Variants in STK4 observed in about 807,000 individuals in gnomAD.
STK4 encodes serine/threonine-protein kinase 4.
STK4 carries 30 observed loss-of-function variants against 64.9 expected under a neutral mutation model. The observed-to-expected ratio is 0.46, with a 90% CI of 0.35 to 0.63. The LOEUF (loss-of-function observed/expected upper bound fraction) is 0.63, where lower values mean the gene tolerates loss of function less well. Ranked by LOEUF, STK4 falls within the 20% of genes least tolerant of loss-of-function variation. The probability of loss-of-function intolerance (pLI) is 0.01; values close to 1 mark genes in which losing one functional copy is unlikely to be tolerated. For synonymous variants in STK4, 177 were observed against 199.0 expected, an observed-to-expected ratio of 0.89 and a Z score of 0.93; for missense variants, 466 against 598.5, an observed-to-expected ratio of 0.78 and a Z score of 2.31.
chr20:44,997,626 G>A (rs2067758744), intron 7 of STK4, among the ~76,000 whole-genome samples: 1 of 152,330 alleles, frequency 6.6e-6, no homozygotes, highest in African/African-American at 2.4e-5. Flanking sequence ...GATCCCAGGA[G>A]GTTGAGGCCG....
At chr20:45,058,085 ACACC>A (rs1305312456) in intron 10 of STK4, among the ~76,000 whole-genome samples, 1 of 139,476 alleles carries the variant, frequency 7.2e-6, no homozygotes, top group Non-Finnish European at 1.6e-5. Flanking sequence ...ACACACACAC[ACACC>A]CCTACCCCTA....
chr20:45,066,181 T>TACACACACAC (rs11472596), intron 10 of STK4, among the ~76,000 whole-genome samples: 2,804 of 147,586 alleles, frequency 0.019, 83 homozygotes, highest in African/African-American at 0.058. Flanking sequence ...ATTATATATC[T>TACACACACAC]ACACACACAC....
chr20:45,004,978 G>T (rs1040433096), intron 9 of STK4, among the ~76,000 whole-genome samples: 26 of 151,430 alleles, frequency 1.7e-4, no homozygotes, highest in African/African-American at 6.1e-4. Flanking sequence ...TCACTATGTT[G>T]GTCAGGCTGG....
chr20:45,074,194 T>C (rs1980319335), intron 10 of STK4, among the ~76,000 whole-genome samples: 1 of 152,172 alleles, frequency 6.6e-6, no homozygotes, highest in Non-Finnish European at 1.5e-5. Context: ...TGTTCATCTG[T>C]AACATAGGGA....
chr20:45,012,754 T>G (rs1239260767), intron 9 of STK4, among the ~76,000 whole-genome samples: 3 of 151,262 alleles, frequency 2.0e-5, no homozygotes, highest in African/African-American at 7.3e-5. Flanking sequence ...ATGATTATAG[T>G]TTTTCCTTTT....
chr20:44,991,864 A>G lies in STK4; in HGVS notation c.526-3226A>G, dbSNP rs58590109. Among the ~76,000 whole-genome samples the G allele has an allele frequency of 2.0e-3, 305 of 152,218 alleles. 12 individuals are homozygous for G. The East Asian group carries it at 0.055, about 28-fold the overall frequency. On this transcript the variant is annotated intron_variant, in intron 5 of 10. Coordinates refer to ENST00000372806, the MANE Select transcript of STK4 (RefSeq NM_006282.5). ...GTTTTTGTAGAGACATAGTTTCACC[A>G]TGTTGACCAGGCTGGTCTCAAACTC...
At chr20:45,055,678 G>T (rs1189402588) in intron 10 of STK4, among the ~76,000 whole-genome samples, 1 of 150,962 alleles carries the variant, frequency 6.6e-6, no homozygotes, top group African/African-American at 2.4e-5. Flanking sequence ...GGACAATTCA[G>T]CTTACTAATT....
intron 10 of STK4, among the ~76,000 whole-genome samples, chr20:45,067,817 A>G (rs1979710843): frequency 6.6e-6 from 1 of 152,198 alleles, no homozygotes; most frequent in Non-Finnish European, 1.5e-5. Flanking sequence ...ATTCATAGAG[A>G]TGCTGGGAAT....
chr20:44,984,786 C>CTT (rs71197588), intron 4 of STK4, among the ~76,000 whole-genome samples: 10 of 145,616 alleles, frequency 6.9e-5, no homozygotes, highest in South Asian at 2.2e-4. Flanking sequence ...TTAATTCTTT[C>CTT]TTTTTTTTTT....
intron 10 of STK4, among the ~76,000 whole-genome samples, chr20:45,052,324 T>C (rs2068789379): frequency 6.6e-6 from 1 of 152,236 alleles, no homozygotes; most frequent in African/African-American, 2.4e-5. Flanking sequence ...CTTCCAGTTT[T>C]TTAATACTTA....
intron 3 of STK4, among the ~76,000 whole-genome samples, chr20:44,979,033 A>G (rs926383927): frequency 1.4e-4 from 22 of 152,120 alleles, no homozygotes; most frequent in Non-Finnish European, 2.8e-4. Flanking sequence ...ATTCCTGACC[A>G]TAAATGATCT....
At chr20:44,979,583 G>C (rs1192670861) in intron 3 of STK4, among the ~76,000 whole-genome samples, 1 of 152,166 alleles carries the variant, frequency 6.6e-6, no homozygotes, top group African/African-American at 2.4e-5. Flanking sequence ...AGATGGGTGA[G>C]AAATTCTCTC....
intron 10 of STK4, among the ~76,000 whole-genome samples, chr20:45,068,978 C>T (rs541572988): frequency 7.1e-4 from 108 of 152,316 alleles, no homozygotes; most frequent in Non-Finnish European, 1.2e-3. Context: ...TTCCAGAGAT[C>T]ACATCTTTTA....
Position 44,981,832 on chromosome 20 carries a change from T to C in STK4, c.249T>C (p.Pro83=). 1.3e-6 allele frequency: 2 copies of C among 1,596,410 alleles called. No individual in the cohort carries two copies. Among genetic ancestry groups the C allele is most frequent in the Non-Finnish European group, 1.7e-6 (2 of 1,164,002 alleles). ...TGTATTGTCTCTCTCTCTCTAGCCC[T>C]CATGTAGTCAAATATTATGGCAGTT... ...EISIMQQCDS[P]HVVKYYGSYF... is the part of the protein sequence containing the mutation. Residue 83 remains proline, a synonymous_variant, in exon 4 of 11, where the codon CCT becomes CCC. Transcript: ENST00000372806.
chr20:44,982,126 T>C (rs1013206129), intron 4 of STK4, among the ~76,000 whole-genome samples, 183 bp downstream of exon 4: 2 of 150,542 alleles, frequency 1.3e-5, no homozygotes, highest in African/African-American at 4.9e-5. Context: ...TTTTTTTTTT[T>C]TTCAAGAGAC....
At chr20:45,034,632 G>A (rs1292748130) in intron 10 of STK4, among the ~76,000 whole-genome samples, 1 of 151,974 alleles carries the variant, frequency 6.6e-6, no homozygotes, top group African/African-American at 2.4e-5. Flanking sequence ...TAGAACATAG[G>A]CCAGGTGTGG....
intron 1 of STK4, among the ~76,000 whole-genome samples, chr20:44,971,659 A>G (rs1601171898): frequency 1.4e-5 from 2 of 147,718 alleles, no homozygotes; most frequent in African/African-American, 5.0e-5. Context: ...CATTTCAGCC[A>G]CATGACTTTT....
intron 9 of STK4, among the ~76,000 whole-genome samples, chr20:45,013,460 AT>A: frequency 6.6e-6 from 1 of 151,880 alleles, no homozygotes; most frequent in African/African-American, 2.4e-5. Context: ...TATTGTAAAT[AT>A]TTTTTTCCAG....
rs540023482 is a variant in STK4, at chr20:44,989,398, C to T, written c.525+2102C>T. Among the ~76,000 whole-genome samples, 106 of 152,084 alleles carry T rather than the reference C, an allele frequency of 7.0e-4. 1 individual carries two copies. The highest frequency in any genetic ancestry group is 1.0e-3 in the African/African-American group (42 of 41,478). On this transcript the variant is annotated intron_variant, in intron 5 of 10. Coordinates refer to ENST00000372806, the MANE Select transcript of STK4 (RefSeq NM_006282.5). The stretch of plus-strand genomic sequence containing the variant: ...TCATTTTTTCTGCTTATTGGACATT[C>T]GGGTATCTTTGGGAAAATGTCTATT...
Sources: allele counts gnomAD v4.1 joint callset (sites outside exome capture counted in the v4.1 genomes callset), GRCh38; gene constraint gnomAD v4.1.1; transcripts MANE v1.5; gene names NCBI Gene and HGNC (gene_info 2026-07-23, HGNC 2026-07-21).